The following SLC38A6 variants were observed in gnomAD, a reference collection of about 807,000 sequenced individuals.
The protein encoded by SLC38A6 is N system amino acid transporter NAT-1.
SLC38A6 carries 73 observed loss-of-function variants against 65.0 expected under a neutral mutation model. That is an observed-to-expected ratio of 1.12 (90% confidence interval 0.93 to 1.37). The LOEUF is 1.37. Ranked by LOEUF, SLC38A6 falls within the 40% of genes most tolerant of loss-of-function variation. The pLI is 0.00. For missense variants in SLC38A6, 561 were observed against 531.1 expected (o/e 1.06, Z -0.55); for synonymous variants, 183 against 178.8 (o/e 1.02, Z -0.19).
At chr14:61,007,282 C>T (rs569540328) in intron 3 of SLC38A6, among the ~76,000 whole-genome samples, 25 of 151,650 alleles carry the variant, frequency 1.6e-4, no homozygotes, top group African/African-American at 6.0e-4. Flanking sequence ...ATGTATCTAA[C>T]CTTCACATTG....
intron 8 of SLC38A6, among the ~76,000 whole-genome samples, chr14:61,041,975 G>GT (rs2041845842): frequency 6.6e-6 from 1 of 151,548 alleles, no homozygotes; most frequent in Admixed American, 6.6e-5. Context: ...TTTTGTTGTT[G>GT]TTGTTTTTCT....
chr14:61,049,354 T>C (rs1371170821), intron 12 of SLC38A6, among the ~76,000 whole-genome samples: 2 of 152,164 alleles, frequency 1.3e-5, no homozygotes, highest in African/African-American at 4.8e-5. Flanking sequence ...TCCCTTTGCT[T>C]TGTTTGTGCT....
chr14:61,067,726 T>TAC (rs1377997366), intron 15 of SLC38A6, among the ~76,000 whole-genome samples: 1 of 151,866 alleles, frequency 6.6e-6, no homozygotes, highest in African/African-American at 2.4e-5. Context: ...TATATATATA[T>TAC]ACACATATGT....
intron 15 of SLC38A6, among the ~76,000 whole-genome samples, chr14:61,064,857 A>C (rs1328502957): frequency 6.6e-6 from 1 of 152,072 alleles, no homozygotes; most frequent in African/African-American, 2.4e-5. Flanking sequence ...CAAGACTATA[A>C]ATTACTTTCG....
At chr14:61,029,565 A>G (rs1307077020) in intron 5 of SLC38A6, among the ~76,000 whole-genome samples, 1 of 152,224 alleles carries the variant, frequency 6.6e-6, no homozygotes, top group Non-Finnish European at 1.5e-5. Context: ...CTTAAACTCA[A>G]GTATTTACAT....
At chr14:61,077,239 A>G (rs541733033) in intron 15 of SLC38A6, among the ~76,000 whole-genome samples, 2 of 152,368 alleles carry the variant, frequency 1.3e-5, no homozygotes, top group East Asian at 1.9e-4. Context: ...CTTGGAAACT[A>G]TCAGTCTAAA....
intron 15 of SLC38A6, among the ~76,000 whole-genome samples, chr14:61,065,088 A>G (rs1779978239): frequency 6.6e-6 from 1 of 152,014 alleles, no homozygotes; most frequent in South Asian, 2.1e-4. Context: ...CCCTTTAAAC[A>G]CCCAAGGTCT....
At chr14:60,992,940 G>A (rs572215527) in intron 3 of SLC38A6, among the ~76,000 whole-genome samples, 164 of 151,464 alleles carry the variant, frequency 1.1e-3, no homozygotes, top group African/African-American at 3.4e-3. Context: ...TCTGCCTCCC[G>A]GGTTCAAGTG....
intron 8 of SLC38A6, among the ~76,000 whole-genome samples, chr14:61,042,347 T>C (rs577986721): frequency 4.6e-5 from 7 of 152,324 alleles, no homozygotes; most frequent in African/African-American, 1.7e-4. Flanking sequence ...CCTTTATTCT[T>C]TCTTGTCCTT....
At chr14:60,992,217 C>G (rs1056435348) in intron 3 of SLC38A6, among the ~76,000 whole-genome samples, 1 of 152,170 alleles carries the variant, frequency 6.6e-6, no homozygotes, top group Non-Finnish European at 1.5e-5. Context: ...TATCAGCTAC[C>G]TCTGATATTG....
At chr14:61,010,442 A>G (rs918026673) in intron 3 of SLC38A6, among the ~76,000 whole-genome samples, 5 of 152,238 alleles carry the variant, frequency 3.3e-5, no homozygotes, top group African/African-American at 1.2e-4. Flanking sequence ...TTTAGACACG[A>G]AGTCCTTAAC....
intron 15 of SLC38A6, among the ~76,000 whole-genome samples, chr14:61,061,749 C>A (rs2042848638): frequency 6.6e-6 from 1 of 152,132 alleles, no homozygotes. Context: ...ATCCATTCAC[C>A]TGTTGAAAGA....
At chr14:61,028,094 G>A (rs1025495597) in intron 5 of SLC38A6, among the ~76,000 whole-genome samples, 4 of 151,976 alleles carry the variant, frequency 2.6e-5, no homozygotes, top group African/African-American at 4.8e-5. Context: ...AAGGATAAAA[G>A]TGATCAGATG....
intron 15 of SLC38A6, 98 bp from the exon 16 acceptor site, chr14:61,052,251 A>G: frequency 7.9e-7 from 1 of 1,265,306 alleles, no homozygotes; most frequent in Non-Finnish European, 1.1e-6. Flanking sequence ...AGAATACATT[A>G]TTGCAGAGAG....
intron 3 of SLC38A6, chr14:60,987,662 G>A (rs2037554901): frequency 1.3e-5 from 2 of 152,300 alleles, no homozygotes; most frequent in Admixed American, 6.5e-5. Context: ...AGATTGCAGG[G>A]TGTTGTACAC....
chr14:61,007,701 C>T (rs374955927), intron 3 of SLC38A6, among the ~76,000 whole-genome samples: 579 of 8,136 alleles, frequency 0.071, 5 homozygotes, highest in African/African-American at 0.13. Flanking sequence ...AAATGAACAC[C>T]GATATAAGTG....
intron 5 of SLC38A6, among the ~76,000 whole-genome samples, chr14:61,022,528 TACTTCATTAAA>T (rs535577139): frequency 1.1e-4 from 17 of 151,202 alleles, no homozygotes; most frequent in African/African-American, 4.1e-4. Context: ...TGACCAATGT[TACTTCATTAAA>T]ATGGATTTTG....
intron 3 of SLC38A6, among the ~76,000 whole-genome samples, chr14:61,014,964 A>G (rs1022534486): frequency 5.3e-5 from 8 of 152,184 alleles, no homozygotes; most frequent in African/African-American, 1.7e-4. Flanking sequence ...TTGTTTGGCT[A>G]TGCCCTGCCC....
intron 3 of SLC38A6, among the ~76,000 whole-genome samples, chr14:60,995,003 C>CAAAAAA (rs34888148): frequency 5.5e-5 from 4 of 73,132 alleles, no homozygotes; most frequent in South Asian, 4.3e-4. Context: ...GACTCCATCT[C>CAAAAAA]AAAAAAAAAA....
Sources: gnomAD v4.1 joint callset for allele counts (sites outside exome capture counted in the v4.1 genomes callset) on GRCh38, gnomAD v4.1.1 for gene constraint, MANE v1.5 for transcripts, NCBI Gene and HGNC (gene_info 2026-07-23, HGNC 2026-07-21) for gene names.